The following SPG7 variants were observed in gnomAD, a reference collection of about 807,000 sequenced individuals.
The protein encoded by SPG7 is SPG7 matrix AAA peptidase subunit, paraplegin.
In SPG7, 103 loss-of-function variants were observed where a neutral mutation model predicts 81.9. The observed-to-expected ratio is 1.26, with a 90% CI of 1.07 to 1.48. The LOEUF is 1.48. SPG7 is among the 40% of genes most tolerant of loss of function. SPG7 has a pLI of 0.00. For synonymous variants in SPG7, 534 were observed against 444.2 expected (o/e 1.20, Z -2.54); for missense variants, 1,241 against 1,087.3 (o/e 1.14, Z -1.99).
intron 9 of SPG7, chr16:89,538,790 C>T (rs1015746374): frequency 6.6e-6 from 1 of 152,334 alleles, no homozygotes; most frequent in African/African-American, 2.4e-5. Context: ...CCAAAAACAT[C>T]CCCCAAACTG....
chr16:89,546,731 G>T lies in SPG7; in HGVS notation c.1523G>T (p.Arg508Leu). ...CAGTCCAGCACCTTTTACTCCCAGC[G>T]TCTGGCAGAGCTGACACCAGGATTC... ...LTQSSTFYSQ[R>L]LAELTPGFSG... The change falls in exon 11 of 17, where the codon CGT becomes CTT. Residue 508 changes from arginine (R) to leucine (L), a missense_variant. Physicochemically the swap from Arg to Leu is moderately radical, Grantham distance 102 (BLOSUM62 -2). Coordinates refer to ENST00000645818, the MANE Select transcript of SPG7 (RefSeq NM_003119.4). The T allele has an allele frequency of 6.2e-7, 1 of 1,613,192 alleles. No homozygotes were observed.
intron 9 of SPG7, chr16:89,532,939 C>T (rs1026263539): frequency 1.2e-5 from 5 of 416,644 alleles, no homozygotes; most frequent in African/African-American, 4.1e-5. Context: ...AAAAGTCAGC[C>T]GGGTGTGGTG....
chr16:89,536,824 C>G, intron 9 of SPG7: 1 of 1,614,124 alleles, frequency 6.2e-7, no homozygotes, highest in African/African-American at 1.3e-5. Context: ...AGGAAAGACC[C>G]CCGCCTGCTC....
rs764382327 is a variant in SPG7, at chr16:89,530,739, C to G, written c.918C>G (p.Val306=). 2.5e-6 allele frequency: 4 copies of G among 1,614,182 alleles called. No homozygotes were observed. Among genetic ancestry groups the G allele is most frequent in the Admixed American group, 1.7e-5 (1 of 60,020 alleles). Residue 306 remains valine, a synonymous_variant, in exon 7 of 17, where the codon GTC becomes GTG. Coordinates refer to ENST00000645818, the MANE Select transcript of SPG7 (RefSeq NM_003119.4). ...TIVDGKMGKG[V]SFKDVAGMHE... is the part of the protein sequence containing the mutation. ...TGGATGGGAAGATGGGGAAAGGAGT[C>G]AGCTTCAAAGACGTGGCAGGAATGC... is the stretch of plus-strand genomic sequence containing the variant.
intron 9 of SPG7, chr16:89,540,897 G>C (rs1254780885): frequency 1.1e-5 from 11 of 985,080 alleles, no homozygotes; most frequent in Admixed American, 6.2e-5. Flanking sequence ...AGTGACCCAG[G>C]TGCCATTCAG....
chr16:89,523,851 GATAACGTCAGGGAAGA>G, intron 3 of SPG7, 139 bp from the exon 4 acceptor site: 1 of 982,840 alleles, frequency 1.0e-6, no homozygotes, highest in Non-Finnish European at 1.6e-6. Context: ...CTTTGTCTCT[GATAACGTCAGGGAAGA>G]ATTGGAGGAA....
intron 9 of SPG7, chr16:89,540,777 T>C: frequency 2.0e-6 from 1 of 497,756 alleles, no homozygotes; most frequent in African/African-American, 2.1e-5. Context: ...GCTCACCACA[T>C]GACCCCGCAT....
rs797046003 is a variant in SPG7, at chr16:89,529,575, C to CT, written c.861dup (p.Asn288Ter). On this transcript the variant is annotated frameshift_variant, in exon 6 of 17. Transcript: ENST00000645818. LOFTEE classifies it high-confidence loss of function. ...ACTGGAAGGGAAGGTGGATTCAGTG[C>CT]TTTTGTAAGTTCTGTAAATCAGAGC... is the stretch of plus-strand genomic sequence containing the variant. The CT allele has an allele frequency of 1.1e-4, 182 of 1,608,588 alleles. 1 individual carries two copies. The highest frequency in any genetic ancestry group is 1.5e-4 in the Non-Finnish European group (180 of 1,175,180).
intron 9 of SPG7, chr16:89,536,713 G>A (rs200208194): frequency 1.1e-5 from 18 of 1,608,528 alleles, no homozygotes; most frequent in African/African-American, 5.4e-5. Flanking sequence ...GCTGTGTGGC[G>A]TGGACACCAA....
At chr16:89,529,301 C>T (rs1455715525) in intron 5 of SPG7, 176 bp from the exon 6 acceptor site, 2 of 646,460 alleles carry the variant, frequency 3.1e-6, no homozygotes, top group South Asian at 1.7e-5. Context: ...GCACAGTCAG[C>T]GAGAATGAGA....
chr16:89,556,975 TG>T lies in SPG7; in HGVS notation c.2271del (p.Met757IlefsTer66), dbSNP rs1217391623. 1.9e-6 allele frequency: 3 copies of T among 1,613,898 alleles called. No individual in the cohort carries two copies. Among genetic ancestry groups the T allele is most frequent in the Non-Finnish European group, 2.5e-6 (3 of 1,180,028 alleles). On this transcript the variant is annotated frameshift_variant, in exon 17 of 17. Transcript: ENST00000645818. LOFTEE classifies it low-confidence loss of function (END_TRUNC). ...CCGCCGCCCCATGGGCCGAAGAAAATGATCGCACCGCAGAGGTGGATCGACG... is the reference window on the plus strand; with the variant it reads ...CCGCCGCCCCATGGGCCGAAGAAAATATCGCACCGCAGAGGTGGATCGACG... ...IGPPPHGPKKMIAPQRWIDAQ... is the reference protein window; with the variant it reads ...IGPPPHGPKKXIAPQRWIDAQ...
chr16:89,544,911 C>A, intron 10 of SPG7, 139 bp downstream of exon 10: 3 of 1,066,240 alleles, frequency 2.8e-6, no homozygotes, highest in East Asian at 2.6e-5. Flanking sequence ...TCCAGCGTGG[C>A]CCCCGCATCG....
At chr16:89,510,664 CTTT>C in intron 2 of SPG7, 72 bp downstream of exon 2, 1 of 945,556 alleles carries the variant, frequency 1.1e-6, no homozygotes, top group South Asian at 1.3e-5. Flanking sequence ...GGAGGCTGAT[CTTT>C]TTTTATTTTA....
At position 89,548,125 on chromosome 16, in the gene SPG7, G is replaced by A. The variant is rs749806743; in HGVS notation, c.1663+12G>A. 12 of 1,583,288 alleles carry A rather than the reference G, an allele frequency of 7.6e-6. No homozygotes were observed. Among genetic ancestry groups the A allele is most frequent in the East Asian group, 2.2e-5 (1 of 44,820 alleles). On this transcript the variant is annotated intron_variant, in intron 12 of 16. Coordinates refer to ENST00000645818, the MANE Select transcript of SPG7 (RefSeq NM_003119.4). ...GCGCGTCCTCGCAGGTACAGGGGGC[G>A]CGCCCTGGGTGAAGGCCCTCCTTAG...
At chr16:89,529,225 C>A in intron 5 of SPG7, 5 of 563,584 alleles carry the variant, frequency 8.9e-6, no homozygotes, top group Non-Finnish European at 1.6e-5. Flanking sequence ...GTTATTGTCA[C>A]AAGGCTGGCT....
chr16:89,550,696 C>T lies in SPG7; in HGVS notation c.1779+87C>T, dbSNP rs1197600959. Reference sequence around the variant, plus strand: ...TGTGTCTGTAGCTGACTGGGGAGTCCCGCCTGTGTCTGTAGCTGACTGGGG... The same window carrying T: ...TGTGTCTGTAGCTGACTGGGGAGTCTCGCCTGTGTCTGTAGCTGACTGGGG... On this transcript the variant is annotated intron_variant, in intron 13 of 16. Transcript: ENST00000645818. The T allele has an allele frequency of 5.8e-6, 5 of 862,456 alleles. No individual in the cohort carries two copies. The African/African-American group carries it at 8.2e-5, about 14-fold the overall frequency. 53.4% of individuals were successfully genotyped at this position (862,456 alleles called of 1,614,324 possible).
chr16:89,518,827 G>A (rs1321100469), intron 3 of SPG7: 1 of 152,214 alleles, frequency 6.6e-6, no homozygotes, highest in African/African-American at 2.4e-5. Context: ...TGCCTCAGCT[G>A]CGGTGGGCAC....
In SPG7 at chr16:89,510,486, T is replaced by C. The variant is rs533778042; in HGVS notation, c.184-4T>C. On this transcript the variant is annotated splice_polypyrimidine_tract_variant and splice_region_variant and intron_variant, in intron 1 of 16. Transcript: ENST00000645818. ...CTCCAGTATTGTTTTTTTTTTTTTT[T>C]CAGAGCTTACAATTGAGACTGCTAA... 5.0e-5 allele frequency: 76 copies of C among 1,534,860 alleles called. No individual in the cohort carries two copies. The highest frequency in any genetic ancestry group is 2.5e-4 in the Admixed American group (15 of 58,850).
At chr16:89,513,464 G>A (rs375930551) in intron 3 of SPG7, among the ~76,000 whole-genome samples, 1 of 151,796 alleles carries the variant, frequency 6.6e-6, no homozygotes, top group African/African-American at 2.4e-5. Flanking sequence ...TGCTGTGAGT[G>A]GAGATCATGC....
Sources: gnomAD v4.1 joint callset for allele counts (sites outside exome capture counted in the v4.1 genomes callset) on GRCh38, gnomAD v4.1.1 for gene constraint, MANE v1.5 for transcripts, NCBI Gene and HGNC (gene_info 2026-07-23, HGNC 2026-07-21) for gene names.